Variants in RABGAP1L observed in about 807,000 individuals in gnomAD.
RABGAP1L encodes rab GTPase-activating protein 1-like.
A neutral mutation model predicts 137.7 loss-of-function variants in RABGAP1L; 63 were observed. The ratio of observed to expected loss-of-function variants is 0.46; its 90% CI spans 0.37 to 0.56. RABGAP1L has a LOEUF of 0.56. Among genes scored for constraint, RABGAP1L ranks in the 20% least tolerant of loss-of-function variants. The pLI is 0.00. For missense variants in RABGAP1L, 1,095 were observed against 1,244.0 expected (o/e 0.88, Z 1.80); for synonymous variants, 431 against 433.7 (o/e 0.99, Z 0.08).
intron 18 of RABGAP1L, chr1:174,800,145 T>G: frequency 7.2e-7 from 1 of 1,392,000 alleles, no homozygotes; most frequent in East Asian, 2.7e-5. Flanking sequence ...CAGTCTACTT[T>G]GGGGTTCTCG....
intron 11 of RABGAP1L, among the ~76,000 whole-genome samples, chr1:174,316,737 G>A (rs948984641): frequency 2.6e-5 from 4 of 152,132 alleles, no homozygotes; most frequent in African/African-American, 9.7e-5. Context: ...CTTCCCTTTA[G>A]GGTGGGGAGG....
chr1:174,854,310 G>A (rs1648884778), intron 19 of RABGAP1L, among the ~76,000 whole-genome samples: 1 of 152,076 alleles, frequency 6.6e-6, no homozygotes, highest in African/African-American at 2.4e-5. Flanking sequence ...CAGGAAAGCA[G>A]GTAATACACT....
chr1:174,740,961 A>G (rs1276358223), intron 17 of RABGAP1L, among the ~76,000 whole-genome samples: 2 of 150,104 alleles, frequency 1.3e-5, no homozygotes, highest in African/African-American at 4.9e-5. Context: ...TGTTCTATAT[A>G]TTAGTTCCTG....
At chr1:174,549,005 T>G (rs1057190329) in intron 13 of RABGAP1L, among the ~76,000 whole-genome samples, 21 of 152,182 alleles carry the variant, frequency 1.4e-4, no homozygotes, top group African/African-American at 5.1e-4. Context: ...ATTGTATAGG[T>G]AGATAGGATA....
At chr1:174,395,783 C>T (rs1196200628) in intron 13 of RABGAP1L, among the ~76,000 whole-genome samples, 1 of 149,272 alleles carries the variant, frequency 6.7e-6, no homozygotes, top group Admixed American at 6.7e-5. Context: ...CAGGAACTTG[C>T]ACCTGTGACT....
chr1:174,509,937 C>A (rs1662178511), intron 13 of RABGAP1L, among the ~76,000 whole-genome samples: 1 of 152,158 alleles, frequency 6.6e-6, no homozygotes, highest in South Asian at 2.1e-4. Flanking sequence ...ATTCTGTTCT[C>A]ATTGCCCTTG....
At chr1:174,261,036 GCCTT>G (rs1397513747) in intron 7 of RABGAP1L, among the ~76,000 whole-genome samples, 5 of 151,888 alleles carry the variant, frequency 3.3e-5, no homozygotes, top group African/African-American at 1.2e-4. Context: ...GTAGTTTCAG[GCCTT>G]GGGGAAGGGT....
chr1:174,621,400 A>G (rs986851374), intron 13 of RABGAP1L, among the ~76,000 whole-genome samples: 1 of 152,246 alleles, frequency 6.6e-6, no homozygotes, highest in Non-Finnish European at 1.5e-5. Flanking sequence ...TGCCAATTCA[A>G]TCCTAAGCCA....
intron 11 of RABGAP1L, among the ~76,000 whole-genome samples, chr1:174,344,381 T>C (rs1682256742): frequency 6.6e-6 from 1 of 152,176 alleles, no homozygotes; most frequent in Non-Finnish European, 1.5e-5. Flanking sequence ...TTCTCATAAG[T>C]AGTTGTAGAA....
chr1:174,706,604 G>T (rs1314980791), intron 17 of RABGAP1L, among the ~76,000 whole-genome samples: 1 of 151,992 alleles, frequency 6.6e-6, no homozygotes, highest in Non-Finnish European at 1.5e-5. Flanking sequence ...AAGAAAATTT[G>T]CAAATATTAA....
chr1:174,266,565 A>G (rs1408299192), intron 7 of RABGAP1L, among the ~76,000 whole-genome samples: 4 of 152,204 alleles, frequency 2.6e-5, no homozygotes, highest in Non-Finnish European at 4.4e-5. Context: ...TTACCATAGT[A>G]TATTAACAGA....
At chr1:174,978,324 C>T (rs980548226) in intron 22 of RABGAP1L, among the ~76,000 whole-genome samples, 14 of 152,264 alleles carry the variant, frequency 9.2e-5, no homozygotes, top group South Asian at 6.2e-4. Flanking sequence ...TATCTTCCCC[C>T]GTCTTTTCTA....
intron 13 of RABGAP1L, among the ~76,000 whole-genome samples, chr1:174,607,942 G>A (rs890949934): frequency 5.9e-5 from 9 of 152,178 alleles, no homozygotes; most frequent in Non-Finnish European, 1.0e-4. Context: ...CAACCCTTAC[G>A]AAAGTGTGAT....
In RABGAP1L at chr1:174,287,439, T is replaced by C. The variant is rs561331253; in HGVS notation, c.1323+8660T>C. 1.1e-4 allele frequency among the ~76,000 whole-genome samples: 17 copies of C among 152,312 alleles called. No homozygotes were observed. The South Asian group carries it at 1.5e-3, about 13-fold the overall frequency. The stretch of plus-strand genomic sequence containing the variant: ...GTTCTCAAAGCTAAAGTGAGTCTCT[T>C]GTAGGTAGCATATTCTTGGATCTTA... On this transcript the variant is annotated intron_variant, in intron 10 of 25. Coordinates refer to ENST00000681986, the MANE Select transcript of RABGAP1L (RefSeq NM_001366446.1).
rs973493342 is a variant in RABGAP1L at position 174,994,741 on chromosome 1, T to G, written c.*4740T>G. 1 of 152,240 alleles carries G rather than the reference T, an allele frequency of 6.6e-6. No individual in the cohort carries two copies. The highest frequency in any genetic ancestry group is 1.5e-5 in the Non-Finnish European group (1 of 68,042). 9.4% of individuals were successfully genotyped at this position (152,240 alleles called of 1,614,324 possible). A position where few individuals can be genotyped will look rare whatever the true frequency, so the allele number is the denominator to read the frequency against. On this transcript the variant is annotated 3_prime_UTR_variant, in exon 26 of 26. Coordinates refer to ENST00000681986, the MANE Select transcript of RABGAP1L (RefSeq NM_001366446.1). Reference sequence around the variant, plus strand: ...GTATCAGTTTCTCTATTTTTGGTATTTTGCATAATGCATGGATCCTTAGTT... The same window carrying G: ...GTATCAGTTTCTCTATTTTTGGTATGTTGCATAATGCATGGATCCTTAGTT...
rs139664747 is a variant in RABGAP1L, at chr1:174,646,665, A to G, written c.1824+9177A>G. Among the ~76,000 whole-genome samples, 57 of 152,020 alleles carry G rather than the reference A, an allele frequency of 3.7e-4. No individual in the cohort carries two copies. The East Asian group carries it at 8.1e-3, about 22-fold the overall frequency. On this transcript the variant is annotated intron_variant, in intron 14 of 25. Transcript: ENST00000681986. ...AGCATGATGCCTCCAGATTTGTTCT[A>G]TTTGCTTAGGATTGTCTTGGCTATA...
At position 174,546,109 on chromosome 1, in the gene RABGAP1L, T is replaced by C. The variant is rs76114840; in HGVS notation, c.1711-91266T>C. Among the ~76,000 whole-genome samples the C allele has an allele frequency of 3.8e-3, 584 of 152,272 alleles. 6 individuals carry two copies. The highest frequency in any genetic ancestry group is 0.014 in the African/African-American group (566 of 41,562). On this transcript the variant is annotated intron_variant, in intron 13 of 25. Transcript: ENST00000681986. ...CTGTAAACTCCTTTAGACTCTTGAA[T>C]TTGATATTCTGGTAGCTCTTCCGAG...
At chr1:174,743,439 A>G (rs534150235) in intron 17 of RABGAP1L, among the ~76,000 whole-genome samples, 2 of 152,312 alleles carry the variant, frequency 1.3e-5, no homozygotes, top group African/African-American at 4.8e-5. Context: ...TATCTATTGA[A>G]CTATTGGGTC....
At chr1:174,703,725 C>T (rs773209960) in intron 17 of RABGAP1L, among the ~76,000 whole-genome samples, 1 of 152,148 alleles carries the variant, frequency 6.6e-6, no homozygotes, top group African/African-American at 2.4e-5. Context: ...ACTCTTTTCT[C>T]TACATCCTCA....
Sources: gnomAD v4.1 joint callset for allele counts (sites outside exome capture counted in the v4.1 genomes callset) on GRCh38, gnomAD v4.1.1 for gene constraint, MANE v1.5 for transcripts, NCBI Gene and HGNC (gene_info 2026-07-23, HGNC 2026-07-21) for gene names.